GTF2F2: variants seen among roughly 807,000 people sequenced by gnomAD.
GTF2F2 encodes ATP-dependent helicase GTF2F2.
A neutral mutation model predicts 42.2 loss-of-function variants in GTF2F2; 23 were observed. The observed-to-expected ratio is 0.55, with a 90% confidence interval of 0.39 to 0.77. GTF2F2 has a LOEUF of 0.77. Ranked by LOEUF, GTF2F2 falls within the 30% of genes least tolerant of loss-of-function variation. The pLI, the probability that GTF2F2 is intolerant of heterozygous loss-of-function variation, is 0.00. For missense variants in GTF2F2, 261 were observed against 287.2 expected (o/e 0.91, Z 0.66); for synonymous variants, 105 against 100.8 (o/e 1.04, Z -0.25).
At chr13:45,251,636 G>A (rs1025669501) in intron 5 of GTF2F2, among the ~76,000 whole-genome samples, 1 of 150,718 alleles carries the variant, frequency 6.6e-6, no homozygotes, top group Non-Finnish European at 1.5e-5. Context: ...TTCTAACATC[G>A]TTTTCAATTT....
chr13:45,229,135 G>A lies in GTF2F2; in HGVS notation c.386+21630G>A, dbSNP rs532433412. Among the ~76,000 whole-genome samples, 39 of 152,182 alleles carry A rather than the reference G, an allele frequency of 2.6e-4. No individual in the cohort carries two copies. The East Asian group carries it at 7.2e-3, about 28-fold the overall frequency. On this transcript the variant is annotated intron_variant, in intron 5 of 7. Coordinates refer to ENST00000340473, the MANE Select transcript of GTF2F2 (RefSeq NM_004128.3). The stretch of plus-strand genomic sequence containing the variant: ...TGACCTCAGGTGATCTGCCCACCTC[G>A]GCCTCCCGAAGTGCCGGGATTACAG...
At chr13:45,256,508 T>G (rs1459369229) in intron 6 of GTF2F2, among the ~76,000 whole-genome samples, 2 of 152,190 alleles carry the variant, frequency 1.3e-5, no homozygotes, top group East Asian at 3.8e-4. Context: ...TGAGTCATTA[T>G]AGTAATGAAT....
rs1877364315 is a variant in GTF2F2 at position 45,283,865 on chromosome 13, A to AT, written c.*311dup. On this transcript the variant is annotated 3_prime_UTR_variant, in exon 8 of 8. Coordinates refer to ENST00000340473, the MANE Select transcript of GTF2F2 (RefSeq NM_004128.3). ...AGCTTTTAATGTGTACAATTAGGAA[A>AT]TTTTTTTAAGTGAGGACTCTCTACC... is the stretch of plus-strand genomic sequence containing the variant. The AT allele has an allele frequency of 1.3e-5, 2 of 159,114 alleles. No individual in the cohort carries two copies. Among genetic ancestry groups the AT allele is most frequent in the African/African-American group, 4.8e-5 (2 of 41,638 alleles). The allele number at this position is 159,114 out of a possible 1,614,324, so 9.9% of individuals were successfully genotyped here.
chr13:45,222,419 CTT>C (rs1874156844), intron 5 of GTF2F2, among the ~76,000 whole-genome samples: 1 of 152,078 alleles, frequency 6.6e-6, no homozygotes, highest in Non-Finnish European at 1.5e-5. Context: ...ATTGAATTGA[CTT>C]TTATTTAATG....
intron 2 of GTF2F2, among the ~76,000 whole-genome samples, chr13:45,143,733 A>G (rs1870047959): frequency 6.6e-6 from 1 of 152,154 alleles, no homozygotes. Flanking sequence ...GAGGAGGGAA[A>G]AGACGTGCAG....
intron 4 of GTF2F2, among the ~76,000 whole-genome samples, chr13:45,183,515 C>T (rs1285376844): frequency 6.6e-6 from 1 of 152,120 alleles, no homozygotes; most frequent in African/African-American, 2.4e-5. Flanking sequence ...GGAGCATATC[C>T]AGAAGTCACT....
At chr13:45,261,633 C>T (rs1237267516) in intron 6 of GTF2F2, among the ~76,000 whole-genome samples, 1 of 151,998 alleles carries the variant, frequency 6.6e-6, no homozygotes, top group Non-Finnish European at 1.5e-5. Flanking sequence ...TGTTTCTACT[C>T]CAGTCTTACT....
intron 4 of GTF2F2, among the ~76,000 whole-genome samples, chr13:45,200,118 G>T (rs1873100921): frequency 6.6e-6 from 1 of 151,862 alleles, no homozygotes; most frequent in Non-Finnish European, 1.5e-5. Context: ...TAAAATAATG[G>T]TTGCTATTAC....
chr13:45,212,507 C>CTTTCTTTCT (rs1566137207), intron 5 of GTF2F2, among the ~76,000 whole-genome samples: 6 of 53,614 alleles, frequency 1.1e-4, no homozygotes, highest in Non-Finnish European at 2.6e-4. Context: ...TTCTTTCTTT[C>CTTTCTTTCT]TTTTCTTTCT....
intron 6 of GTF2F2, among the ~76,000 whole-genome samples, chr13:45,265,746 A>G (rs960983138): frequency 2.6e-5 from 4 of 152,224 alleles, no homozygotes; most frequent in African/African-American, 9.6e-5. Context: ...ACAAATCTTT[A>G]TTGTTAAAAT....
intron 4 of GTF2F2, among the ~76,000 whole-genome samples, chr13:45,191,215 C>CAAAAAAAAAAAA (rs1158010068): frequency 2.7e-5 from 2 of 74,908 alleles, no homozygotes; most frequent in African/African-American, 1.7e-4. Context: ...ACTAAAAATA[C>CAAAAAAAAAAAA]AAAAAAAAAA....
At chr13:45,209,022 C>A (rs1397467318) in intron 5 of GTF2F2, among the ~76,000 whole-genome samples, 1 of 152,036 alleles carries the variant, frequency 6.6e-6, no homozygotes, top group South Asian at 2.1e-4. Flanking sequence ...TTTCTGTGGC[C>A]GTAATTTTCT....
chr13:45,209,695 A>G (rs1873555724), intron 5 of GTF2F2, among the ~76,000 whole-genome samples: 1 of 152,204 alleles, frequency 6.6e-6, no homozygotes, highest in African/African-American at 2.4e-5. Context: ...TTTCTTCAAC[A>G]TCAAACATAC....
At chr13:45,268,912 A>G (rs906658462) in intron 7 of GTF2F2, among the ~76,000 whole-genome samples, 41 of 152,248 alleles carry the variant, frequency 2.7e-4, no homozygotes, top group African/African-American at 9.9e-4. Flanking sequence ...GGTTCTTAAG[A>G]TATTTTTTAT....
chr13:45,125,238 GT>G (rs1463780595), intron 1 of GTF2F2, among the ~76,000 whole-genome samples: 1 of 152,190 alleles, frequency 6.6e-6, no homozygotes, highest in African/African-American at 2.4e-5. Flanking sequence ...CATGGAAATA[GT>G]GATTCAAATT....
chr13:45,253,551 C>T (rs975843980), intron 6 of GTF2F2, among the ~76,000 whole-genome samples: 2 of 152,178 alleles, frequency 1.3e-5, no homozygotes, highest in Admixed American at 6.5e-5. Context: ...TTCAGTGACC[C>T]ACAGTCAACT....
chr13:45,263,187 T>C (rs1341616138), intron 6 of GTF2F2, among the ~76,000 whole-genome samples: 2 of 152,310 alleles, frequency 1.3e-5, no homozygotes, highest in East Asian at 3.9e-4. Context: ...GTTTCTGTTT[T>C]GTTCTTGCTA....
intron 5 of GTF2F2, among the ~76,000 whole-genome samples, chr13:45,218,709 A>G (rs1873986658): frequency 6.6e-6 from 1 of 152,254 alleles, no homozygotes; most frequent in South Asian, 2.1e-4. Context: ...TCTTTGTTCA[A>G]GAAAAAGGGT....
intron 5 of GTF2F2, among the ~76,000 whole-genome samples, chr13:45,242,697 T>C (rs1024129517): frequency 2.0e-5 from 3 of 152,260 alleles, no homozygotes; most frequent in African/African-American, 2.4e-5. Context: ...GGCAGAATTA[T>C]AGTATTTGTT....
Sources: allele counts gnomAD v4.1 joint callset (sites outside exome capture counted in the v4.1 genomes callset), GRCh38; gene constraint gnomAD v4.1.1; transcripts MANE v1.5; gene names NCBI Gene and HGNC (gene_info 2026-07-23, HGNC 2026-07-21).